TRMT9B: variants seen among roughly 807,000 people sequenced by gnomAD.
The protein encoded by TRMT9B is tRNA methyltransferase 9B (putative).
In TRMT9B, 16 loss-of-function variants were observed where a neutral mutation model predicts 11.5. That is an observed-to-expected ratio of 1.39 (90% confidence interval 0.94 to 2.11). The LOEUF (loss-of-function observed/expected upper bound fraction) is 2.11, where lower values mean the gene tolerates loss of function less well. TRMT9B is among the 30% of genes most tolerant of loss of function. The pLI is 0.00. For synonymous variants in TRMT9B, 274 were observed against 192.4 expected, an observed-to-expected ratio of 1.42 and a Z score of -3.51; for missense variants, 941 against 553.8, an observed-to-expected ratio of 1.70 and a Z score of -7.02.
chr8:12,956,108 A>C (rs191201427), intron 1 of TRMT9B, among the ~76,000 whole-genome samples: 86 of 152,314 alleles, frequency 5.6e-4, no homozygotes, highest in African/African-American at 1.8e-3. Context: ...TCCCTGCAAG[A>C]ACACTGTGCC....
intron 4 of TRMT9B, among the ~76,000 whole-genome samples, chr8:13,016,533 T>C (rs1812742957): frequency 6.6e-6 from 1 of 151,648 alleles, no homozygotes; most frequent in Non-Finnish European, 1.5e-5. Context: ...TATATAAGTA[T>C]ATATATATTT....
At chr8:12,974,151 A>T (rs1804061993) in intron 1 of TRMT9B, among the ~76,000 whole-genome samples, 1 of 151,832 alleles carries the variant, frequency 6.6e-6, no homozygotes, top group Non-Finnish European at 1.5e-5. Flanking sequence ...AGCCTGGGTG[A>T]CAAGCAAGAC....
At chr8:13,001,191 A>C (rs1309018382) in intron 2 of TRMT9B, among the ~76,000 whole-genome samples, 1 of 152,212 alleles carries the variant, frequency 6.6e-6, no homozygotes, top group Non-Finnish European at 1.5e-5. Context: ...ACAGACTCCA[A>C]GTGATCACAA....
rs1812035884 is a variant in TRMT9B at position 13,013,442 on chromosome 8, C to T, written c.328+585C>T. On this transcript the variant is annotated intron_variant, in intron 4 of 4. Transcript: ENST00000524591. ...GAATGTGTTTCTCATATCCTCCCAA[C>T]AAGTGTGACCAGAAAACACACATGC... 2.6e-5 allele frequency among the ~76,000 whole-genome samples: 4 copies of T among 152,220 alleles called. No homozygotes were observed. In the South Asian group the frequency reaches 8.3e-4, roughly 32 times the overall value.
At position 13,028,564 on chromosome 8, in the gene TRMT9B, C is replaced by CTTTTTTTTTTT; in HGVS notation, c.*6524_*6525insTTTTTTTTTTT. ...TTGGCTAAGTGATAAGCACTTTTCT[C>CTTTTTTTTTTT]TTTTCTTTTCTTTTTTTTTTTTTTT... On this transcript the variant is annotated 3_prime_UTR_variant, in exon 5 of 5. Coordinates refer to ENST00000524591, the MANE Select transcript of TRMT9B (RefSeq NM_020844.3). The CTTTTTTTTTTT allele has an allele frequency of 1.2e-5, 1 of 81,504 alleles. No homozygotes were observed. 5.0% of individuals were successfully genotyped at this position (81,504 alleles called of 1,614,324 possible).
rs573843194 is a variant in TRMT9B at position 12,956,337 on chromosome 8, A to G, written c.-200+10371A>G. 5.1e-4 allele frequency among the ~76,000 whole-genome samples: 77 copies of G among 152,342 alleles called. 1 individual carries two copies. The highest frequency in any genetic ancestry group is 4.5e-3 in the Admixed American group (69 of 15,306). On this transcript the variant is annotated intron_variant, in intron 1 of 4. Coordinates refer to ENST00000524591, the MANE Select transcript of TRMT9B (RefSeq NM_020844.3). ...TTGGAAAGGTAAGAGGATATGTTGT[A>G]AAAATTTTTTAAAGGAGCTAGTTGC...
intron 1 of TRMT9B, among the ~76,000 whole-genome samples, chr8:12,980,465 T>C (rs1277753025): frequency 2.0e-5 from 3 of 152,146 alleles, no homozygotes; most frequent in Non-Finnish European, 4.4e-5. Context: ...TGTCATGGTG[T>C]GACTACACCA....
At chr8:12,947,959 G>C (rs1267183821) in intron 1 of TRMT9B, among the ~76,000 whole-genome samples, 1 of 152,204 alleles carries the variant, frequency 6.6e-6, no homozygotes, top group Admixed American at 6.5e-5. Flanking sequence ...GCCATCTGTA[G>C]CCTTAAGAGG....
chr8:12,994,609 G>C (rs1298671777), intron 2 of TRMT9B, among the ~76,000 whole-genome samples: 1 of 152,228 alleles, frequency 6.6e-6, no homozygotes, highest in Admixed American at 6.5e-5. Flanking sequence ...AAGCAGAGTG[G>C]CTTGTCCACC....
At chr8:12,952,313 C>T in intron 1 of TRMT9B, 1 of 352,066 alleles carries the variant, frequency 2.8e-6, no homozygotes, top group Non-Finnish European at 6.0e-6. Context: ...CGCGACAGGT[C>T]GTCTAGCGCG....
At chr8:12,954,438 A>C (rs200413037) in intron 1 of TRMT9B, among the ~76,000 whole-genome samples, 8,405 of 152,274 alleles carry the variant, frequency 0.055, 614 homozygotes, top group African/African-American at 0.16. Context: ...TATTGAGAGC[A>C]AAATGCAATT....
chr8:13,008,780 G>C (rs1810982394), intron 3 of TRMT9B, among the ~76,000 whole-genome samples: 1 of 152,136 alleles, frequency 6.6e-6, no homozygotes, highest in Admixed American at 6.5e-5. Flanking sequence ...CCAGGCTGGA[G>C]TGCAGGGGCG....
Position 13,024,046 on chromosome 8 carries a change from T to TG in TRMT9B, c.*2002_*2003insG, listed in dbSNP as rs1554543500. Reference sequence around the variant, plus strand: ...TAATTTGGTTTCTTCTATTTCTTTTTTTTTTTTTTTTTTTTGAGACAGAGT... The same window carrying TG: ...TAATTTGGTTTCTTCTATTTCTTTTTGTTTTTTTTTTTTTTTGAGACAGAGT... On this transcript the variant is annotated 3_prime_UTR_variant, in exon 5 of 5. Transcript: ENST00000524591. 2 of 144,952 alleles carry TG rather than the reference T, an allele frequency of 1.4e-5. No homozygotes were observed. The highest frequency in any genetic ancestry group is 2.7e-5 in the African/African-American group (1 of 36,942). 9.0% of individuals were successfully genotyped at this position (144,952 alleles called of 1,614,324 possible). A position where few individuals can be genotyped will look rare whatever the true frequency, so the allele number is the denominator to read the frequency against.
chr8:12,958,508 G>C (rs979557067), intron 1 of TRMT9B: 5 of 155,078 alleles, frequency 3.2e-5, no homozygotes, highest in Admixed American at 6.4e-5. Context: ...GCAGGTAATT[G>C]AAAGAAACTA....
intron 2 of TRMT9B, among the ~76,000 whole-genome samples, chr8:13,003,268 A>G (rs1809794749): frequency 6.6e-6 from 1 of 152,138 alleles, no homozygotes; most frequent in African/African-American, 2.4e-5. Flanking sequence ...TTTCATACTG[A>G]TGGGTAAAAG....
intron 1 of TRMT9B, chr8:12,951,526 G>A (rs1800611023): frequency 6.6e-6 from 1 of 152,158 alleles, no homozygotes; most frequent in African/African-American, 2.4e-5. Flanking sequence ...GGGCGGGCGC[G>A]GCCCAGCCTC....
At chr8:13,013,066 C>A (rs1032778424) in intron 4 of TRMT9B, among the ~76,000 whole-genome samples, 1 of 152,088 alleles carries the variant, frequency 6.6e-6, no homozygotes, top group Non-Finnish European at 1.5e-5. Flanking sequence ...CTATTTAAAC[C>A]TTCAACTTGG....
In TRMT9B at chr8:12,961,561, C is replaced by T. The variant is rs550564522; in HGVS notation, c.-200+15595C>T. Among the ~76,000 whole-genome samples, 836 of 151,640 alleles carry T rather than the reference C, an allele frequency of 5.5e-3. 9 individuals are homozygous for T. The highest frequency in any genetic ancestry group is 8.3e-3 in the Non-Finnish European group (565 of 67,898). ...CTAAAAACACAAAAAATTAGCTGGG[C>T]GTGGTGGTGGGCGCCTGTAGTCCCA... On this transcript the variant is annotated intron_variant, in intron 1 of 4. Transcript: ENST00000524591.
In TRMT9B at chr8:12,970,860, C is replaced by G. The variant is rs551588704; in HGVS notation, c.-199-19974C>G. ...TGTGATAAGAAGAAATTCAAGTCTG[C>G]ATATTGGCTGCCAATGCTCGAAAGT... On this transcript the variant is annotated intron_variant, in intron 1 of 4. Transcript: ENST00000524591. Among the ~76,000 whole-genome samples the G allele has an allele frequency of 3.9e-5, 6 of 152,292 alleles. No individual in the cohort carries two copies. The South Asian group carries it at 1.2e-3, about 32-fold the overall frequency.
Sources: allele counts gnomAD v4.1 joint callset (sites outside exome capture counted in the v4.1 genomes callset), GRCh38; gene constraint gnomAD v4.1.1; transcripts MANE v1.5; gene names NCBI Gene and HGNC (gene_info 2026-07-23, HGNC 2026-07-21).